Variants in BCL2 observed in about 807,000 individuals in gnomAD.
BCL2 encodes BCL2 apoptosis regulator.
Under a neutral mutation model 14.2 loss-of-function variants are expected in BCL2, and 1 was observed. The observed-to-expected ratio is 0.07, with a 90% confidence interval of 0.02 to 0.33. BCL2 has a LOEUF of 0.33. BCL2 is among the 10% of genes least tolerant of loss of function. The pLI is 0.99. For missense variants in BCL2, 247 were observed against 305.9 expected (o/e 0.81, Z 1.44); for synonymous variants, 151 against 137.2 (o/e 1.10, Z -0.70).
At chr18:63,148,067 G>T (rs1044381290) in intron 2 of BCL2, among the ~76,000 whole-genome samples, 1 of 152,218 alleles carries the variant, frequency 6.6e-6, no homozygotes, top group African/African-American at 2.4e-5. Flanking sequence ...TGACAAATTT[G>T]TTTTTCAAGC....
chr18:63,140,980 C>G (rs970582671), intron 2 of BCL2, among the ~76,000 whole-genome samples: 6 of 151,970 alleles, frequency 3.9e-5, no homozygotes, highest in Non-Finnish European at 5.9e-5. Context: ...CTGTCATTCT[C>G]CAAAAGAAAA....
At chr18:63,302,194 G>A (rs905168483) in intron 2 of BCL2, 9 of 284,110 alleles carry the variant, frequency 3.2e-5, no homozygotes, top group African/African-American at 6.9e-5. Flanking sequence ...TGAGCTAGGC[G>A]TGCTGGCAGG....
chr18:63,147,299 T>G (rs7245234), intron 2 of BCL2, among the ~76,000 whole-genome samples: 1 of 152,082 alleles, frequency 6.6e-6, no homozygotes, highest in Non-Finnish European at 1.5e-5. Context: ...TGACATCACT[T>G]TTAGATTCTG....
At chr18:63,270,489 T>C (rs1458648617) in intron 2 of BCL2, among the ~76,000 whole-genome samples, 2 of 152,164 alleles carry the variant, frequency 1.3e-5, no homozygotes, top group Non-Finnish European at 2.9e-5. Context: ...TGCCACCCTC[T>C]GCATAAAAAG....
At chr18:63,294,626 C>T (rs1467017633) in intron 2 of BCL2, among the ~76,000 whole-genome samples, 14 of 151,748 alleles carry the variant, frequency 9.2e-5, no homozygotes, top group Admixed American at 7.9e-4. Context: ...GCCAAGATCA[C>T]ACCACTGCAC....
chr18:63,211,654 T>G lies in BCL2; in HGVS notation c.586-82895A>C, dbSNP rs73963714. ...GATTTAGTCCTTCAGACACATACAG[T>G]GAAATAAATAGGTACTCGACGATAG... On this transcript the variant is annotated intron_variant, in intron 2 of 2. Transcript: ENST00000333681. 3.9e-3 allele frequency among the ~76,000 whole-genome samples: 599 copies of G among 152,218 alleles called. 1 individual carries two copies. Among genetic ancestry groups the G allele is most frequent in the African/African-American group, 0.013 (550 of 41,528 alleles).
chr18:63,147,193 G>A (rs2144603731), intron 2 of BCL2, among the ~76,000 whole-genome samples: 2 of 152,316 alleles, frequency 1.3e-5, no homozygotes, highest in East Asian at 3.9e-4. Context: ...TCCTCCACTT[G>A]TGGTCCAGGG....
intron 2 of BCL2, among the ~76,000 whole-genome samples, chr18:63,276,166 G>GTACC (rs2144247342): frequency 6.6e-6 from 1 of 152,280 alleles, no homozygotes; most frequent in East Asian, 1.9e-4. Context: ...GGTCAGCCTG[G>GTACC]TACCTCTGCA....
At chr18:63,197,409 T>A (rs1055623685) in intron 2 of BCL2, among the ~76,000 whole-genome samples, 3 of 152,240 alleles carry the variant, frequency 2.0e-5, no homozygotes, top group African/African-American at 7.2e-5. Flanking sequence ...GAGAACCCAC[T>A]ACATGGTGGC....
At chr18:63,250,636 T>C (rs1280858331) in intron 2 of BCL2, among the ~76,000 whole-genome samples, 1 of 152,252 alleles carries the variant, frequency 6.6e-6, no homozygotes, top group Non-Finnish European at 1.5e-5. Flanking sequence ...CCCTTTTTCA[T>C]ATTCATCTTT....
chr18:63,240,456 A>C (rs1910968492), intron 2 of BCL2, among the ~76,000 whole-genome samples: 1 of 152,234 alleles, frequency 6.6e-6, no homozygotes, highest in Admixed American at 6.5e-5. Flanking sequence ...TCAAATGTTC[A>C]AAAATTTTCT....
At chr18:63,270,586 C>G (rs1307258118) in intron 2 of BCL2, among the ~76,000 whole-genome samples, 1 of 152,116 alleles carries the variant, frequency 6.6e-6, no homozygotes, top group African/African-American at 2.4e-5. Flanking sequence ...TATGTACACA[C>G]AAGACCCTGA....
At chr18:63,213,006 CAT>C (rs148119140) in intron 2 of BCL2, among the ~76,000 whole-genome samples, 103 of 152,306 alleles carry the variant, frequency 6.8e-4, no homozygotes, top group African/African-American at 2.4e-3. Context: ...TCCCCTAACT[CAT>C]GTGTTGTTCA....
Position 63,132,618 on chromosome 18 carries a change from C to G in BCL2, c.586-3859G>C, listed in dbSNP as rs142117553. 2.0e-3 allele frequency among the ~76,000 whole-genome samples: 302 copies of G among 152,292 alleles called. 4 individuals carry two copies. Among genetic ancestry groups the G allele is most frequent in the African/African-American group, 7.1e-3 (294 of 41,554 alleles). On this transcript the variant is annotated intron_variant, in intron 2 of 2. Transcript: ENST00000333681. ...TCATTTAACCCCCTGGAGGTTGGAG[C>G]TGGCCTCTAAACTTTGCCCTTCTAC...
At chr18:63,281,446 A>C (rs1912304977) in intron 2 of BCL2, among the ~76,000 whole-genome samples, 1 of 151,986 alleles carries the variant, frequency 6.6e-6, no homozygotes, top group South Asian at 2.1e-4. Flanking sequence ...AGGTGGATCA[A>C]TTGAGCTCAG....
At chr18:63,219,606 C>T (rs1910327889) in intron 2 of BCL2, among the ~76,000 whole-genome samples, 1 of 152,034 alleles carries the variant, frequency 6.6e-6, no homozygotes, top group Non-Finnish European at 1.5e-5. Context: ...TAAGCGTAAG[C>T]AGAAATGAAG....
At chr18:63,156,818 A>G (rs1914795719) in intron 2 of BCL2, among the ~76,000 whole-genome samples, 1 of 152,092 alleles carries the variant, frequency 6.6e-6, no homozygotes, top group African/African-American at 2.4e-5. Context: ...TCATTCCCCA[A>G]TTTCCTGGGC....
At chr18:63,262,608 T>G (rs867764916) in intron 2 of BCL2, among the ~76,000 whole-genome samples, 74 of 152,158 alleles carry the variant, frequency 4.9e-4, no homozygotes, top group African/African-American at 1.3e-3. Context: ...GCTGGAGGAT[T>G]GGGTACCTTT....
intron 2 of BCL2, among the ~76,000 whole-genome samples, chr18:63,201,832 G>GT (rs2144664779): frequency 1.3e-5 from 2 of 152,066 alleles, no homozygotes; most frequent in South Asian, 4.2e-4. Context: ...CTGTTAGGGG[G>GT]TGGGGGTCTA....
Sources: gnomAD v4.1 joint callset for allele counts (sites outside exome capture counted in the v4.1 genomes callset) on GRCh38, gnomAD v4.1.1 for gene constraint, MANE v1.5 for transcripts, NCBI Gene and HGNC (gene_info 2026-07-23, HGNC 2026-07-21) for gene names.